Variants in WASHC4 observed in about 807,000 individuals in gnomAD.
The protein encoded by WASHC4 is WASH complex subunit 4.
In WASHC4, 86 loss-of-function variants were observed where a neutral mutation model predicts 166.6. That is an observed-to-expected ratio of 0.52 (90% CI 0.43 to 0.62). The LOEUF (loss-of-function observed/expected upper bound fraction) is 0.62, where lower values mean the gene tolerates loss of function less well. Ranked by LOEUF, WASHC4 falls within the 20% of genes least tolerant of loss-of-function variation. WASHC4 has a pLI of 0.00. For synonymous variants in WASHC4, 446 were observed against 451.6 expected (o/e 0.99, Z 0.16); for missense variants, 1,262 against 1,382.4 (o/e 0.91, Z 1.38).
intron 20 of WASHC4, among the ~76,000 whole-genome samples, chr12:105,144,045 A>G (rs1440786309): frequency 1.3e-5 from 2 of 151,338 alleles, no homozygotes; most frequent in Non-Finnish European, 3.0e-5. Flanking sequence ...GCTGGTTTCC[A>G]TAAATTTTAT....
intron 19 of WASHC4, among the ~76,000 whole-genome samples, chr12:105,142,904 T>A (rs980021782): frequency 8.5e-5 from 13 of 152,104 alleles, no homozygotes; most frequent in African/African-American, 2.7e-4. Context: ...TGTGTTTAAA[T>A]GCACAAGATA....
chr12:105,119,899 G>A (rs1260564378), intron 7 of WASHC4, among the ~76,000 whole-genome samples: 1 of 152,180 alleles, frequency 6.6e-6, no homozygotes, highest in Non-Finnish European at 1.5e-5. Context: ...GTAGGGATGA[G>A]AACTCAAACC....
At chr12:105,109,669 T>TTTTTTTTTTTC (rs1416228518) in intron 1 of WASHC4, among the ~76,000 whole-genome samples, 1 of 149,758 alleles carries the variant, frequency 6.7e-6, no homozygotes. Context: ...TTTTTTTTTT[T>TTTTTTTTTTTC]TCGAGACAAG....
chr12:105,161,949 C>T (rs1356707439), intron 29 of WASHC4, among the ~76,000 whole-genome samples: 1 of 152,120 alleles, frequency 6.6e-6, no homozygotes, highest in Non-Finnish European at 1.5e-5. Flanking sequence ...AATAAAAATA[C>T]CTTTTTAAAA....
intron 1 of WASHC4, among the ~76,000 whole-genome samples, chr12:105,110,777 T>C (rs1355782829): frequency 2.0e-5 from 3 of 152,226 alleles, no homozygotes; most frequent in Non-Finnish European, 4.4e-5. Flanking sequence ...GAGTTGTTCA[T>C]GACTAAAAGA....
chr12:105,131,033 T>C (rs1470257129), intron 13 of WASHC4, among the ~76,000 whole-genome samples: 3 of 152,082 alleles, frequency 2.0e-5, no homozygotes, highest in African/African-American at 7.2e-5. Context: ...GTTAACTTGC[T>C]TTTTAAAACT....
rs542103755 is a variant in WASHC4, at chr12:105,144,820, G to A, written c.2282G>A (p.Arg761His). Residue 761 changes from arginine to histidine, a missense_variant, in exon 22 of 33, where the codon CGT becomes CAT. Arg to His is a conservative substitution (Grantham distance 29). Transcript: ENST00000332180. ...GAGATGAGAAACTTAGCTACTCAGC[G>A]TTATGGACTGGTTATGACAGAGGCA... ...YSEMRNLATQ[R>H]YGLVMTEAHL... The A allele has an allele frequency of 1.3e-5, 21 of 1,613,064 alleles. No homozygotes were observed. In the Middle Eastern group the frequency reaches 5.0e-4, roughly 38 times the overall value.
At chr12:105,166,405 TA>T (rs1383034432) in intron 32 of WASHC4, among the ~76,000 whole-genome samples, 6 of 152,134 alleles carry the variant, frequency 3.9e-5, no homozygotes, top group Admixed American at 2.6e-4. Context: ...TATAATAAGT[TA>T]TAAATACAAA....
intron 28 of WASHC4, among the ~76,000 whole-genome samples, chr12:105,158,158 G>A (rs1032911474): frequency 6.6e-6 from 1 of 152,130 alleles, no homozygotes; most frequent in Non-Finnish European, 1.5e-5. Flanking sequence ...ATGGAAGAAT[G>A]CTTGTTAAAT....
At chr12:105,158,351 C>G (rs1846613775) in intron 28 of WASHC4, among the ~76,000 whole-genome samples, 2 of 152,250 alleles carry the variant, frequency 1.3e-5, no homozygotes, top group South Asian at 4.1e-4. Context: ...ATATATTCCA[C>G]CTTGGCCAAG....
At chr12:105,132,951 T>G (rs1881994470) in intron 13 of WASHC4, among the ~76,000 whole-genome samples, 1 of 152,168 alleles carries the variant, frequency 6.6e-6, no homozygotes, top group Non-Finnish European at 1.5e-5. Context: ...CTCTTTCTTC[T>G]GCATTATTAC....
intron 2 of WASHC4, 69 bp from the exon 3 acceptor site, chr12:105,114,147 A>C (rs377188046): frequency 2.6e-5 from 36 of 1,407,272 alleles, no homozygotes; most frequent in Non-Finnish European, 3.1e-5. Context: ...AGCTAGCCTC[A>C]ATTTGTGTTT....
chr12:105,139,425 G>GTGTGTGTGTGTATATATATATA, intron 15 of WASHC4, among the ~76,000 whole-genome samples: 7 of 103,224 alleles, frequency 6.8e-5, no homozygotes, highest in Non-Finnish European at 1.4e-4. Context: ...ATGTGTGTGT[G>GTGTGTGTGTGTATATATATATA]TATATATATA....
chr12:105,160,021 G>T lies in WASHC4; in HGVS notation c.2933G>T (p.Ser978Ile), dbSNP rs745651543. ...TTTAGGCATTTGGATTCAGTCCTCA[G>T]TGATCACACACGAAATTCTGCCGAA... ...KAARHLDSVLSDHTRNSAEGT... is the reference protein window; with the variant it reads ...KAARHLDSVLIDHTRNSAEGT... Residue 978 changes from serine (S) to isoleucine (I), a missense_variant, in exon 29 of 33, where the codon AGT becomes ATT. Ser to Ile is a moderately radical substitution (Grantham distance 142). Transcript: ENST00000332180. 4 of 1,614,014 alleles carry T rather than the reference G, an allele frequency of 2.5e-6. No individual in the cohort carries two copies. The highest frequency in any genetic ancestry group is 3.4e-6 in the Non-Finnish European group (4 of 1,179,942).
chr12:105,162,401 T>A (rs948971329), intron 29 of WASHC4, among the ~76,000 whole-genome samples: 1 of 152,226 alleles, frequency 6.6e-6, no homozygotes, highest in Non-Finnish European at 1.5e-5. Flanking sequence ...TATATGACTT[T>A]GGGTGAGATA....
intron 22 of WASHC4, among the ~76,000 whole-genome samples, chr12:105,146,214 A>G (rs1428698649): frequency 6.6e-6 from 1 of 152,122 alleles, no homozygotes; most frequent in Non-Finnish European, 1.5e-5. Context: ...TGGATCTTTT[A>G]ATATTTAAAC....
Position 105,160,102 on chromosome 12 carries a change from C to G in WASHC4, c.3014C>G (p.Pro1005Arg), listed in dbSNP as rs1884403076. ...VDVFAPEFRR[P>R]KNIHLRNFYI... is the part of the protein sequence containing the mutation. ...GTTTTTGCTCCAGAATTTCGAAGGC[C>G]AAAGAATATACATCTCCGAAATTTC... The change falls in exon 29 of 33, where the codon CCA (proline) becomes CGA (arginine). Residue 1005 changes from proline (P) to arginine (R), a missense_variant. Pro to Arg is a moderately radical substitution (Grantham distance 103, BLOSUM62 -2). Coordinates refer to ENST00000332180, the MANE Select transcript of WASHC4 (RefSeq NM_015275.3). The G allele has an allele frequency of 1.9e-6, 3 of 1,613,630 alleles. No individual in the cohort carries two copies. Among genetic ancestry groups the G allele is most frequent in the Non-Finnish European group, 2.5e-6 (3 of 1,179,678 alleles).
At chr12:105,107,888 C>A (rs1383442072) in intron 1 of WASHC4, 27 bp downstream of exon 1, 2 of 1,512,162 alleles carry the variant, frequency 1.3e-6, no homozygotes, top group East Asian at 2.5e-5. Flanking sequence ...GCGAGGGCTG[C>A]GGGTGGACGC....
rs1403387122 is a variant in WASHC4, at chr12:105,168,780, C to T, written c.*1849C>T. On this transcript the variant is annotated 3_prime_UTR_variant, in exon 33 of 33. Transcript: ENST00000332180. ...TATATTTGAAATAAGATCCTGGAAA[C>T]GAATTTAAATGGTGTCAAACTGCAG... 2.0e-5 allele frequency: 3 copies of T among 152,024 alleles called. No homozygotes were observed. The highest frequency in any genetic ancestry group is 2.1e-4 in the South Asian group (1 of 4,824). 9.4% of individuals were successfully genotyped at this position (152,024 alleles called of 1,614,324 possible). A position where few individuals can be genotyped will look rare whatever the true frequency, so the allele number is the denominator to read the frequency against.
Sources: allele counts gnomAD v4.1 joint callset (sites outside exome capture counted in the v4.1 genomes callset), GRCh38; gene constraint gnomAD v4.1.1; transcripts MANE v1.5; gene names NCBI Gene and HGNC (gene_info 2026-07-23, HGNC 2026-07-21).